Variants in PCBP2 observed in about 807,000 individuals in gnomAD.
PCBP2 encodes the protein poly(rC) binding protein 2.
In PCBP2, 4 loss-of-function variants were observed where a neutral mutation model predicts 50.1. The observed-to-expected ratio is 0.08, with a 90% confidence interval of 0.04 to 0.18. The LOEUF (loss-of-function observed/expected upper bound fraction) is 0.18, where lower values mean the gene tolerates loss of function less well. Among genes scored for constraint, PCBP2 ranks in the 10% least tolerant of loss-of-function variants. The pLI is 1.00. For missense variants in PCBP2, 161 were observed against 474.3 expected (o/e 0.34, Z 6.14); for synonymous variants, 179 against 168.0 (o/e 1.07, Z -0.51).
chr12:53,452,246 C>G lies in PCBP2; in HGVS notation c.-206C>G, dbSNP rs1442222929. ...CCTTCCTCCTCCTCCTCCTCCACCC[C>G]CCCTTCCTCCTCCGCCCGCCCGCGG... On this transcript the variant is annotated 5_prime_UTR_variant, in exon 1 of 15. Coordinates refer to ENST00000546463, the MANE Select transcript of PCBP2 (RefSeq NM_031989.5). The G allele has an allele frequency of 7.5e-6, 1 of 132,474 alleles. No homozygotes were observed. Among genetic ancestry groups the G allele is most frequent in the Non-Finnish European group, 1.6e-5 (1 of 60,608 alleles). The allele number at this position is 132,474 out of a possible 1,614,324, so 8.2% of individuals were successfully genotyped here.
Position 53,471,815 on chromosome 12 carries a change from T to A in PCBP2, c.1052+8T>A. The A allele has an allele frequency of 6.2e-7, 1 of 1,609,270 alleles. No homozygotes were observed. The highest frequency in any genetic ancestry group is 8.5e-7 in the Non-Finnish European group (1 of 1,177,840). ...ATATCTAATCAATGTCAGGTAAGAT[T>A]GCTCTACCTTTTGTCTTATTTATGC... On this transcript the variant is annotated splice_region_variant and intron_variant, in intron 14 of 14. Coordinates refer to ENST00000546463, the MANE Select transcript of PCBP2 (RefSeq NM_031989.5).
chr12:53,464,979 C>T lies in PCBP2; in HGVS notation c.672+127C>T, dbSNP rs1941711618. Reference sequence around the variant, plus strand: ...GTGGACACCACCTGTCCACGGGGACCTGGACTGACCCCCCCAACCTCATTT... The same window carrying T: ...GTGGACACCACCTGTCCACGGGGACTTGGACTGACCCCCCCAACCTCATTT... On this transcript the variant is annotated intron_variant, in intron 9 of 14. Coordinates refer to ENST00000546463, the MANE Select transcript of PCBP2 (RefSeq NM_031989.5). The T allele has an allele frequency of 4.2e-6, 5 of 1,191,626 alleles. No homozygotes were observed. In the South Asian group the frequency reaches 8.9e-5, roughly 21 times the overall value. 73.8% of individuals were successfully genotyped at this position (1,191,626 alleles called of 1,614,324 possible). A position where few individuals can be genotyped will look rare whatever the true frequency, so the allele number is the denominator to read the frequency against.
intron 13 of PCBP2, among the ~76,000 whole-genome samples, chr12:53,470,756 G>GT (rs11377192): frequency 0.59 from 81,248 of 138,256 alleles, 24,458 homozygotes; most frequent in Non-Finnish European, 0.68. Flanking sequence ...ATGTTAACCA[G>GT]TTTTTTTTTT....
chr12:53,459,325 C>T lies in PCBP2; in HGVS notation c.297C>T (p.Thr99=). The change falls in exon 6 of 15, where the codon ACC becomes ACT. Residue 99 remains threonine, a synonymous_variant. Coordinates refer to ENST00000546463, the MANE Select transcript of PCBP2 (RefSeq NM_031989.5). ...CAGCTGCCAGTAGACCCCCGGTCAC[C>T]CTGAGGCTGGTGGTCCCTGCTAGTC... The part of the protein sequence containing the change: ...NSTAASRPPV[T]LRLVVPASQC... 6.2e-7 allele frequency: 1 copy of T among 1,613,404 alleles called. No homozygotes were observed. Among genetic ancestry groups the T allele is most frequent in the Non-Finnish European group, 8.5e-7 (1 of 1,179,510 alleles).
chr12:53,453,905 A>G (rs1342843596), intron 1 of PCBP2, among the ~76,000 whole-genome samples: 1 of 152,232 alleles, frequency 6.6e-6, no homozygotes, highest in Admixed American at 6.5e-5. Context: ...GCTGTTCTTA[A>G]AAACAAAAAA....
chr12:53,460,701 T>A (rs934207381), intron 6 of PCBP2: 6 of 261,922 alleles, frequency 2.3e-5, no homozygotes, highest in South Asian at 8.5e-5. Flanking sequence ...GTGATACTTG[T>A]GGGGCTTTTG....
chr12:53,452,861 G>C (rs1940670463), intron 1 of PCBP2: 1 of 152,174 alleles, frequency 6.6e-6, no homozygotes, highest in South Asian at 2.1e-4. Flanking sequence ...AGGGAAGGGG[G>C]GGCTTTTTTT....
In PCBP2 at chr12:53,467,273, A is replaced by G. The variant is rs1156912979; in HGVS notation, c.767A>G (p.His256Arg). The change falls in exon 11 of 15, where the codon CAT (histidine) becomes CGT (arginine). Residue 256 changes from histidine to arginine, a missense_variant. His to Arg is a conservative substitution (Grantham distance 29, BLOSUM62 0). Around this residue, in one of 7 missense-constraint regions of PCBP2, gnomAD observed 51 missense variants for 193.0 expected, o/e 0.26. Coordinates refer to ENST00000546463, the MANE Select transcript of PCBP2 (RefSeq NM_031989.5). ...CAACAGTCTCATTTTCCCATGACGC[A>G]TGGCAACACCGGATTCAGTGGTATG... is the stretch of plus-strand genomic sequence containing the variant. ...AMQQSHFPMT[H>R]GNTGFSGIES... The G allele has an allele frequency of 6.2e-7, 1 of 1,613,992 alleles. No individual in the cohort carries two copies. Among genetic ancestry groups the G allele is most frequent in the Non-Finnish European group, 8.5e-7 (1 of 1,179,820 alleles).
intron 13 of PCBP2, among the ~76,000 whole-genome samples, chr12:53,470,331 C>T (rs1393502526): frequency 3.7e-5 from 5 of 136,346 alleles, no homozygotes; most frequent in Middle Eastern, 4.3e-3. Context: ...GAGCCAAGAT[C>T]GTGCCACTGC....
chr12:53,475,682 G>A (rs999354850), intron 14 of PCBP2: 4 of 152,972 alleles, frequency 2.6e-5, no homozygotes, highest in African/African-American at 7.2e-5. Flanking sequence ...GAAGGGTAAA[G>A]GGTTGGGGGC....
intron 9 of PCBP2, 109 bp downstream of exon 9, chr12:53,464,961 C>T (rs1941710791): frequency 1.5e-6 from 2 of 1,345,912 alleles, no homozygotes; most frequent in South Asian, 3.4e-5. Flanking sequence ...GCTGTGGACA[C>T]CACCTGTCCA....
In PCBP2 at chr12:53,459,864, G is replaced by A. The variant is rs184806082; in HGVS notation, c.375+461G>A. On this transcript the variant is annotated intron_variant, in intron 6 of 14. Coordinates refer to ENST00000546463, the MANE Select transcript of PCBP2 (RefSeq NM_031989.5). ...AACATCGACCTTCCCAGCCTCAGGCGATCCTCTCATCTCAGCCTCCCAAGG... is the reference window on the plus strand; with the variant it reads ...AACATCGACCTTCCCAGCCTCAGGCAATCCTCTCATCTCAGCCTCCCAAGG... 2.1e-3 allele frequency: 968 copies of A among 453,846 alleles called. 6 individuals are homozygous for A. The highest frequency in any genetic ancestry group is 2.0e-3 in the Non-Finnish European group (462 of 225,428). The allele number at this position is 453,846 out of a possible 1,614,324, so 28.1% of individuals were successfully genotyped here. A position where few individuals can be genotyped will look rare whatever the true frequency, so the allele number is the denominator to read the frequency against.
Position 53,479,359 on chromosome 12 carries a change from A to C in PCBP2, c.1053-47A>C, listed in dbSNP as rs766275919. ...CATGAACCAGGTAGAGATGAGGTGC[A>C]GCTGAGCACTGGGGAAACTAACTGA... On this transcript the variant is annotated intron_variant, in intron 14 of 14. Transcript: ENST00000546463. 6 of 1,559,670 alleles carry C rather than the reference A, an allele frequency of 3.8e-6. No homozygotes were observed. In the East Asian group the frequency reaches 1.1e-4, roughly 29 times the overall value.
In PCBP2 at chr12:53,469,798, G is replaced by A. The variant is rs184020346; in HGVS notation, c.882+966G>A. Reference sequence around the variant, plus strand: ...TTTTTTTGAGACGGCATCTTGCTCTGTTTCCCAGGCTTGGCTCACTGTGAC... The same window carrying A: ...TTTTTTTGAGACGGCATCTTGCTCTATTTCCCAGGCTTGGCTCACTGTGAC... On this transcript the variant is annotated intron_variant, in intron 13 of 14. Coordinates refer to ENST00000546463, the MANE Select transcript of PCBP2 (RefSeq NM_031989.5). Among the ~76,000 whole-genome samples, 472 of 120,660 alleles carry A rather than the reference G, an allele frequency of 3.9e-3. 2 individuals carry two copies. Among genetic ancestry groups the A allele is most frequent in the African/African-American group, 0.014 (448 of 31,176 alleles). The allele number at this position is 120,660 out of a possible 152,430, so 79.2% of individuals were successfully genotyped here.
Position 53,459,408 on chromosome 12 carries a change from GTGACTTT to G in PCBP2, c.375+8_375+14del, listed in dbSNP as rs780663412. 6 of 1,608,466 alleles carry G rather than the reference GTGACTTT, an allele frequency of 3.7e-6. No homozygotes were observed. Among genetic ancestry groups the G allele is most frequent in the Admixed American group, 1.7e-5 (1 of 59,124 alleles). ...AAGATCAAGGAAATACGAGAGGTTA[GTGACTTT>G]TGTCGTCCTTTTAGAAATGTTAACT... On this transcript the variant is annotated splice_donor_region_variant and intron_variant, in intron 6 of 14. Coordinates refer to ENST00000546463, the MANE Select transcript of PCBP2 (RefSeq NM_031989.5).
intron 7 of PCBP2, among the ~76,000 whole-genome samples, chr12:53,461,706 G>A (rs906309939): frequency 2.0e-5 from 3 of 152,024 alleles, no homozygotes; most frequent in South Asian, 2.1e-4. Context: ...GAAATGAAAC[G>A]AATTTTTTCG....
At position 53,474,369 on chromosome 12, in the gene PCBP2, G is replaced by A. The variant is rs937937504; in HGVS notation, c.1052+2562G>A. On this transcript the variant is annotated intron_variant, in intron 14 of 14. Transcript: ENST00000546463. ...ACCCTGATACTGGTTTGTTTGCTGT[G>A]GAGATGTAAGCAGACTTTAATACAT... is the stretch of plus-strand genomic sequence containing the variant. 3.3e-5 allele frequency among the ~76,000 whole-genome samples: 5 copies of A among 152,292 alleles called. 1 individual carries two copies. The highest frequency in any genetic ancestry group is 7.2e-5 in the African/African-American group (3 of 41,558).
intron 6 of PCBP2, 128 bp downstream of exon 6, chr12:53,459,531 T>C (rs937958794): frequency 7.5e-6 from 5 of 668,708 alleles, no homozygotes; most frequent in Non-Finnish European, 1.2e-5. Context: ...AGGATTACAA[T>C]GTGATTGTAC....
intron 14 of PCBP2, chr12:53,475,539 GCTT>G (rs1005683423): frequency 1.1e-4 from 18 of 157,628 alleles, no homozygotes; most frequent in African/African-American, 2.7e-4. Context: ...AATAAAAGCT[GCTT>G]CGTTAACTTT....
Sources: allele counts gnomAD v4.1 joint callset (sites outside exome capture counted in the v4.1 genomes callset), GRCh38; gene constraint gnomAD v4.1.1; regional missense constraint gnomAD v4.1.1; transcripts MANE v1.5; gene names NCBI Gene and HGNC (gene_info 2026-07-23, HGNC 2026-07-21).